The following TMEM181 variants were observed in gnomAD, a reference collection of about 807,000 sequenced individuals.
TMEM181 encodes the protein G protein-coupled receptor 178.
In TMEM181, 39 loss-of-function variants were observed where a neutral mutation model predicts 71.9. The ratio of observed to expected loss-of-function variants is 0.54; its 90% confidence interval spans 0.42 to 0.71. The LOEUF is 0.71. Ranked by LOEUF, TMEM181 falls within the 30% of genes least tolerant of loss-of-function variation. The pLI is 0.00. For missense variants in TMEM181, 595 were observed against 583.0 expected, an observed-to-expected ratio of 1.02 and a Z score of -0.21; for synonymous variants, 245 against 228.8, an observed-to-expected ratio of 1.07 and a Z score of -0.64.
At chr6:158,573,177 G>A (rs942063772) in intron 1 of TMEM181, among the ~76,000 whole-genome samples, 9 of 152,156 alleles carry the variant, frequency 5.9e-5, no homozygotes, top group Admixed American at 3.3e-4. Context: ...TGCAGACCGC[G>A]GTGGCTGGTG....
intron 9 of TMEM181, 73 bp from the exon 10 acceptor site, chr6:158,608,586 T>A: frequency 1.3e-6 from 2 of 1,596,940 alleles, no homozygotes; most frequent in South Asian, 2.3e-5. Flanking sequence ...CCATACTCAA[T>A]GGAAAAATCA....
At chr6:158,625,421 C>T (rs1240840575) in intron 12 of TMEM181, among the ~76,000 whole-genome samples, 1 of 152,126 alleles carries the variant, frequency 6.6e-6, no homozygotes, top group Non-Finnish European at 1.5e-5. Context: ...GGCCTGGGTC[C>T]TGCGGGACTG....
chr6:158,623,642 C>T (rs1786102602), intron 11 of TMEM181, 35 bp downstream of exon 11: 2 of 1,449,442 alleles, frequency 1.4e-6, no homozygotes, highest in Non-Finnish European at 1.9e-6. Context: ...AATTTTTCTT[C>T]TTAATGCTGT....
intron 10 of TMEM181, among the ~76,000 whole-genome samples, chr6:158,614,481 T>TAATTAA (rs35828066): frequency 6.6e-6 from 1 of 151,884 alleles, no homozygotes; most frequent in Admixed American, 6.6e-5. Flanking sequence ...CAATCCTATT[T>TAATTAA]AAAAAAAATT....
chr6:158,566,560 G>A (rs1165098640), intron 1 of TMEM181, among the ~76,000 whole-genome samples: 4 of 150,394 alleles, frequency 2.7e-5, no homozygotes, highest in African/African-American at 9.8e-5. Flanking sequence ...GAGGTGATAC[G>A]GTGAGGGAGG....
At chr6:158,553,103 G>A (rs899558671) in intron 1 of TMEM181, among the ~76,000 whole-genome samples, 1 of 151,544 alleles carries the variant, frequency 6.6e-6, no homozygotes, top group Non-Finnish European at 1.5e-5. Flanking sequence ...CAGGAGGATT[G>A]TTTGAGCCTG....
At chr6:158,570,773 A>C (rs1782761693) in intron 1 of TMEM181, among the ~76,000 whole-genome samples, 1 of 152,070 alleles carries the variant, frequency 6.6e-6, no homozygotes, top group South Asian at 2.1e-4. Flanking sequence ...ACCTTGGTGC[A>C]GTACTGTTAA....
At chr6:158,579,336 CTG>C (rs902163204) in intron 2 of TMEM181, among the ~76,000 whole-genome samples, 1 of 151,186 alleles carries the variant, frequency 6.6e-6, no homozygotes, top group Non-Finnish European at 1.5e-5. Context: ...CAATAACAAA[CTG>C]TGGAATCAAC....
In TMEM181 at chr6:158,623,551, G is replaced by A; in HGVS notation, c.898G>A (p.Val300Ile). 1 of 1,555,816 alleles carries A rather than the reference G, an allele frequency of 6.4e-7. No homozygotes were observed. Among genetic ancestry groups the A allele is most frequent in the East Asian group, 2.3e-5 (1 of 43,718 alleles). ...ASVTLGIWQT[V>I]NELHDPMYQY... ...ATTATTTATAATGTCAATTTTTAGA[G>A]TTAACGAATTACATGATCCAATGTA... is the stretch of plus-strand genomic sequence containing the variant. Residue 300 changes from valine to isoleucine, a missense_variant and splice_region_variant, in exon 11 of 17, where the codon GTT becomes ATT. By Grantham distance (29) the Val-to-Ile change is conservative. Transcript: ENST00000684151.
intron 1 of TMEM181, among the ~76,000 whole-genome samples, chr6:158,562,319 G>C (rs1218273831): frequency 6.6e-6 from 1 of 152,194 alleles, no homozygotes; most frequent in Non-Finnish European, 1.5e-5. Flanking sequence ...TGAGGACGGT[G>C]TGGGGCGTCT....
At chr6:158,602,065 C>T (rs1784699563) in intron 6 of TMEM181, among the ~76,000 whole-genome samples, 1 of 152,220 alleles carries the variant, frequency 6.6e-6, no homozygotes, top group African/African-American at 2.4e-5. Context: ...CACCCCTAAA[C>T]ATCTTCTTGT....
At chr6:158,560,086 C>G, upstream of TMEM181, 13 of 985,148 alleles carry the variant, frequency 1.3e-5, no homozygotes, top group Non-Finnish European at 1.6e-5. Context: ...GCGTCGCGCT[C>G]TGATGAGTTT....
At chr6:158,541,265 A>G in intron 1 of TMEM181, among the ~76,000 whole-genome samples, 1 of 152,058 alleles carries the variant, frequency 6.6e-6, no homozygotes, top group South Asian at 2.1e-4. Context: ...AAAAAAACAA[A>G]AATTAGCAGG....
At chr6:158,611,329 G>A (rs76702497) in intron 10 of TMEM181, 1 of 513,770 alleles carries the variant, frequency 1.9e-6, no homozygotes, top group Non-Finnish European at 4.0e-6. Flanking sequence ...TGCTATGCTT[G>A]GTTTTGAACT....
At chr6:158,609,498 C>T (rs1386217007) in intron 10 of TMEM181, among the ~76,000 whole-genome samples, 1 of 152,088 alleles carries the variant, frequency 6.6e-6, no homozygotes, top group African/African-American at 2.4e-5. Flanking sequence ...ACAGGCAGTC[C>T]CCTTACCCCT....
intron 7 of TMEM181, among the ~76,000 whole-genome samples, chr6:158,605,775 A>C (rs866812576): frequency 6.6e-6 from 1 of 152,104 alleles, no homozygotes; most frequent in Admixed American, 6.5e-5. Flanking sequence ...AGTGTTTTGG[A>C]AATGCAGGCA....
At chr6:158,563,172 C>G (rs1476598289) in intron 1 of TMEM181, among the ~76,000 whole-genome samples, 1 of 152,218 alleles carries the variant, frequency 6.6e-6, no homozygotes, top group Non-Finnish European at 1.5e-5. Flanking sequence ...GAGACAGAGT[C>G]TCGCTCTGTC....
chr6:158,615,459 C>G (rs1318370675), intron 10 of TMEM181, among the ~76,000 whole-genome samples: 1 of 152,190 alleles, frequency 6.6e-6, no homozygotes, highest in Non-Finnish European at 1.5e-5. Flanking sequence ...ATGGCAATTT[C>G]TTTTGCTGTG....
At chr6:158,609,352 A>G (rs558238439) in intron 10 of TMEM181, among the ~76,000 whole-genome samples, 1 of 152,048 alleles carries the variant, frequency 6.6e-6, no homozygotes, top group East Asian at 1.9e-4. Flanking sequence ...GGGTGACTTT[A>G]GTCACAGGCT....
Sources: allele counts gnomAD v4.1 joint callset (sites outside exome capture counted in the v4.1 genomes callset), GRCh38; gene constraint gnomAD v4.1.1; transcripts MANE v1.5; gene names NCBI Gene and HGNC (gene_info 2026-07-23, HGNC 2026-07-21).